The following BAG2 variants were observed in gnomAD, a reference collection of about 807,000 sequenced individuals.
The protein encoded by BAG2 is BAG family molecular chaperone regulator 2.
BAG2 carries 8 observed loss-of-function variants against 16.4 expected under a neutral mutation model. The observed-to-expected ratio is 0.49, with a 90% confidence interval of 0.29 to 0.88. The LOEUF is 0.88. Among genes scored for constraint, BAG2 ranks in the 40% least tolerant of loss-of-function variants. The pLI is 0.09. For synonymous variants in BAG2, 82 were observed against 89.2 expected (o/e 0.92, Z 0.46); for missense variants, 218 against 248.9 (o/e 0.88, Z 0.84).
chr6:57,182,123 A>G lies in BAG2; in HGVS notation c.205A>G (p.Met69Val). 1 of 1,614,104 alleles carries G rather than the reference A, an allele frequency of 6.2e-7. No homozygotes were observed. The highest frequency in any genetic ancestry group is 8.5e-7 in the Non-Finnish European group (1 of 1,179,968). ...MIHSIQNSQD[M>V]RQISDGEREE... The stretch of plus-strand genomic sequence containing the variant: ...CCACAGTATCCAAAATAGCCAGGAC[A>G]TGAGGCAGATCAGTGACGGTGAGAG... Residue 69 changes from methionine to valine, a missense_variant, in exon 2 of 3, where the codon ATG becomes GTG. Physicochemically the swap from Met to Val is conservative, Grantham distance 21. Coordinates refer to ENST00000370693, the MANE Select transcript of BAG2 (RefSeq NM_004282.4).
In BAG2 at chr6:57,182,013, G is replaced by C. The variant is rs1304308437; in HGVS notation, c.114-19G>C. On this transcript the variant is annotated intron_variant, in intron 1 of 2. Transcript: ENST00000370693. ...ACATCCTGCATACAATAACCGTTTT[G>C]TTTTCCCAATTTCTATAGGGTTGAA... The C allele has an allele frequency of 6.2e-7, 1 of 1,607,808 alleles. No individual in the cohort carries two copies. Among genetic ancestry groups the C allele is most frequent in the Non-Finnish European group, 8.5e-7 (1 of 1,175,600 alleles).
In BAG2 at chr6:57,189,775, C is replaced by T. The variant is rs1764763824; in HGVS notation, c.*5585C>T. 1 of 152,558 alleles carries T rather than the reference C, an allele frequency of 6.6e-6. No individual in the cohort carries two copies. Among genetic ancestry groups the T allele is most frequent in the Non-Finnish European group, 1.5e-5 (1 of 68,022 alleles). 9.5% of individuals were successfully genotyped at this position (152,558 alleles called of 1,614,324 possible). On this transcript the variant is annotated 3_prime_UTR_variant, in exon 3 of 3. Coordinates refer to ENST00000370693, the MANE Select transcript of BAG2 (RefSeq NM_004282.4). ...ACAAAGCACTTTTTAAACCCAAGCT[C>T]ATTTTGCAAAATATATGTCTAGAGT...
At position 57,188,573 on chromosome 6, in the gene BAG2, A is replaced by AAGAGG. The variant is rs1764704312; in HGVS notation, c.*4388_*4392dup. 1 of 150,952 alleles carries AAGAGG rather than the reference A, an allele frequency of 6.6e-6. No individual in the cohort carries two copies. The highest frequency in any genetic ancestry group is 2.5e-5 in the African/African-American group (1 of 40,304). The allele number at this position is 150,952 out of a possible 1,614,324, so 9.4% of individuals were successfully genotyped here. On this transcript the variant is annotated 3_prime_UTR_variant, in exon 3 of 3. Coordinates refer to ENST00000370693, the MANE Select transcript of BAG2 (RefSeq NM_004282.4). ...AAAGTATTATTTTGTGCAAAAATTA[A>AAGAGG]AGAGGAGAGTAGAGAGTAGAAAATT...
rs927920797 is a variant in BAG2, at chr6:57,186,777, T to C, written c.*2587T>C. Reference sequence around the variant, plus strand: ...TAGAGTATGTTTTGCTGTATCTCAATTCTCTACCATTCCTAGCATATAATA... The same window carrying C: ...TAGAGTATGTTTTGCTGTATCTCAACTCTCTACCATTCCTAGCATATAATA... On this transcript the variant is annotated 3_prime_UTR_variant, in exon 3 of 3. Coordinates refer to ENST00000370693, the MANE Select transcript of BAG2 (RefSeq NM_004282.4). 1.6e-4 allele frequency: 25 copies of C among 152,204 alleles called. No individual in the cohort carries two copies. Among genetic ancestry groups the C allele is most frequent in the African/African-American group, 6.0e-4 (25 of 41,444 alleles). 9.4% of individuals were successfully genotyped at this position (152,204 alleles called of 1,614,324 possible).
intron 1 of BAG2, among the ~76,000 whole-genome samples, chr6:57,181,438 TCCCAGCA>T (rs550051896): frequency 2.6e-4 from 39 of 152,264 alleles, no homozygotes; most frequent in African/African-American, 8.4e-4. Flanking sequence ...ACACCTGTAA[TCCCAGCA>T]CTTTGGGAGG....
chr6:57,183,099 C>A (rs1411842845), intron 2 of BAG2, among the ~76,000 whole-genome samples: 2 of 152,212 alleles, frequency 1.3e-5, no homozygotes, highest in East Asian at 3.9e-4. Context: ...AAGTAAGCAA[C>A]CTAAATCCAG....
In BAG2 at chr6:57,188,739, A is replaced by AAAT. The variant is rs1365731013; in HGVS notation, c.*4551_*4553dup. Reference sequence around the variant, plus strand: ...AAAATAAGCATTTTACATTACTGTGAAATAGATAATGCCAGATCATTTCAA... The same window carrying AAAT: ...AAAATAAGCATTTTACATTACTGTGAAATAATAGATAATGCCAGATCATTTCAA... On this transcript the variant is annotated 3_prime_UTR_variant, in exon 3 of 3. Transcript: ENST00000370693. 5.3e-5 allele frequency: 8 copies of AAAT among 152,232 alleles called. No individual in the cohort carries two copies. The highest frequency in any genetic ancestry group is 1.2e-4 in the African/African-American group (5 of 41,466). The allele number at this position is 152,232 out of a possible 1,614,324, so 9.4% of individuals were successfully genotyped here. A position where few individuals can be genotyped will look rare whatever the true frequency, so the allele number is the denominator to read the frequency against.
chr6:57,177,951 C>T (rs895833967), intron 1 of BAG2, among the ~76,000 whole-genome samples: 3 of 152,220 alleles, frequency 2.0e-5, no homozygotes, highest in Non-Finnish European at 1.5e-5. Context: ...TGTCTTCCTA[C>T]TGAGTACTCT....
chr6:57,172,880 G>C, intron 1 of BAG2, 70 bp downstream of exon 1: 1 of 1,292,054 alleles, frequency 7.7e-7, no homozygotes, highest in African/African-American at 1.6e-5. Flanking sequence ...GTTAGCGGAC[G>C]GAGGCCGCGT....
chr6:57,173,963 A>T (rs1326978130), intron 1 of BAG2: 12 of 162,038 alleles, frequency 7.4e-5, no homozygotes, highest in South Asian at 1.8e-4. Context: ...TATTGGGAGA[A>T]AAGAGCCAGA....
chr6:57,172,844 C>T, intron 1 of BAG2, 34 bp downstream of exon 1: 1 of 1,431,706 alleles, frequency 7.0e-7, no homozygotes, highest in East Asian at 2.9e-5. Context: ...GGGCGTTCTG[C>T]TCGCCGCGCG....
chr6:57,181,374 G>A (rs1008382807), intron 1 of BAG2, among the ~76,000 whole-genome samples: 24 of 152,306 alleles, frequency 1.6e-4, no homozygotes, highest in Admixed American at 1.5e-3. Context: ...GTATTATACA[G>A]CAATTAGCAG....
In BAG2 at chr6:57,179,348, C is replaced by A. The variant is rs531259824; in HGVS notation, c.114-2684C>A. On this transcript the variant is annotated intron_variant, in intron 1 of 2. Coordinates refer to ENST00000370693, the MANE Select transcript of BAG2 (RefSeq NM_004282.4). ...CTTCCCAGTTCTTTGCTTTTACTGG[C>A]TCTTATAAACACACTTTGACATATA... is the stretch of plus-strand genomic sequence containing the variant. Among the ~76,000 whole-genome samples, 4 of 152,286 alleles carry A rather than the reference C, an allele frequency of 2.6e-5. No individual in the cohort carries two copies. The East Asian group carries it at 7.7e-4, about 29-fold the overall frequency.
Position 57,182,016 on chromosome 6 carries a change from T to G in BAG2, c.114-16T>G. ...TCCTGCATACAATAACCGTTTTGTT[T>G]TCCCAATTTCTATAGGGTTGAAGCT... On this transcript the variant is annotated splice_polypyrimidine_tract_variant and intron_variant, in intron 1 of 2. Coordinates refer to ENST00000370693, the MANE Select transcript of BAG2 (RefSeq NM_004282.4). 6.2e-7 allele frequency: 1 copy of G among 1,609,760 alleles called. No individual in the cohort carries two copies. Among genetic ancestry groups the G allele is most frequent in the Non-Finnish European group, 8.5e-7 (1 of 1,177,032 alleles).
chr6:57,175,573 G>T (rs1405371741), intron 1 of BAG2, among the ~76,000 whole-genome samples: 1 of 152,210 alleles, frequency 6.6e-6, no homozygotes, highest in East Asian at 1.9e-4. Context: ...GCCTTGCTGG[G>T]TTTCCCCATT....
At chr6:57,173,143 T>G in intron 1 of BAG2, 1 of 1,020,920 alleles carries the variant, frequency 9.8e-7, no homozygotes, top group South Asian at 4.5e-5. Flanking sequence ...TCCATGCGAT[T>G]AAGGACTGTG....
rs372582153 is a variant in BAG2, at chr6:57,172,684, C to T, written c.-14C>T. On this transcript the variant is annotated 5_prime_UTR_variant, in exon 1 of 3. Transcript: ENST00000370693. ...GGCCGGTGACCTCTTGGCTACCCCG[C>T]GTCGGAGGCTTAGATGGCTCAGGCG... The T allele has an allele frequency of 4.2e-5, 64 of 1,520,718 alleles. No individual in the cohort carries two copies. Among genetic ancestry groups the T allele is most frequent in the Non-Finnish European group, 5.5e-5 (62 of 1,132,528 alleles). 94.2% of individuals were successfully genotyped at this position (1,520,718 alleles called of 1,614,324 possible).
At position 57,189,273 on chromosome 6, in the gene BAG2, G is replaced by GTGAT. The variant is rs139778770; in HGVS notation, c.*5088_*5091dup. On this transcript the variant is annotated 3_prime_UTR_variant, in exon 3 of 3. Coordinates refer to ENST00000370693, the MANE Select transcript of BAG2 (RefSeq NM_004282.4). ...CAAACAAGGTTATAGAAATGTTGAA[G>GTGAT]TGATTGATAATCTTAAAATACCATA... is the stretch of plus-strand genomic sequence containing the variant. The GTGAT allele has an allele frequency of 2.9e-3, 446 of 152,282 alleles. 2 individuals carry two copies. Among genetic ancestry groups the GTGAT allele is most frequent in the African/African-American group, 0.01 (427 of 41,558 alleles). 9.4% of individuals were successfully genotyped at this position (152,282 alleles called of 1,614,324 possible). A position where few individuals can be genotyped will look rare whatever the true frequency, so the allele number is the denominator to read the frequency against.
chr6:57,178,261 A>G (rs555248955), intron 1 of BAG2, among the ~76,000 whole-genome samples: 3 of 152,324 alleles, frequency 2.0e-5, no homozygotes, highest in African/African-American at 7.2e-5. Context: ...AACAGCCAAG[A>G]ATTTTCTAGA....
Sources: gnomAD v4.1 joint callset for allele counts (sites outside exome capture counted in the v4.1 genomes callset) on GRCh38, gnomAD v4.1.1 for gene constraint, MANE v1.5 for transcripts, NCBI Gene and HGNC (gene_info 2026-07-23, HGNC 2026-07-21) for gene names.